The following GALNTL6 variants were observed in gnomAD, a reference collection of about 807,000 sequenced individuals.
GALNTL6 encodes the protein polypeptide N-acetylgalactosaminyltransferase-like 6.
Under a neutral mutation model 73.7 loss-of-function variants are expected in GALNTL6, and 46 were observed. The ratio of observed to expected loss-of-function variants is 0.62; its 90% CI spans 0.49 to 0.80. The LOEUF (loss-of-function observed/expected upper bound fraction) is 0.80, where lower values mean the gene tolerates loss of function less well. GALNTL6 is among the 30% of genes least tolerant of loss of function. GALNTL6 has a pLI of 0.00. For synonymous variants in GALNTL6, 259 were observed against 263.7 expected (o/e 0.98, Z 0.17); for missense variants, 604 against 755.0 (o/e 0.80, Z 2.34).
intron 2 of GALNTL6, among the ~76,000 whole-genome samples, chr4:171,825,570 C>A (rs997066199): frequency 6.6e-6 from 1 of 152,034 alleles, no homozygotes; most frequent in Non-Finnish European, 1.5e-5. Flanking sequence ...TGGCATTCCA[C>A]GACAAAGATC....
At chr4:172,176,191 T>G (rs952905791) in intron 2 of GALNTL6, among the ~76,000 whole-genome samples, 2 of 151,116 alleles carry the variant, frequency 1.3e-5, no homozygotes, top group Non-Finnish European at 3.0e-5. Context: ...ATACAAAAAA[T>G]TAGCCGGGCG....
intron 5 of GALNTL6, among the ~76,000 whole-genome samples, chr4:172,570,388 G>T (rs1736716804): frequency 6.6e-6 from 1 of 152,206 alleles, no homozygotes; most frequent in Non-Finnish European, 1.5e-5. Flanking sequence ...AGTGGATGCT[G>T]TTACAGTTTG....
intron 3 of GALNTL6, among the ~76,000 whole-genome samples, chr4:172,300,087 G>A (rs919971979): frequency 6.6e-6 from 1 of 152,144 alleles, no homozygotes; most frequent in Non-Finnish European, 1.5e-5. Flanking sequence ...AGGATAGTTA[G>A]CTCTTCTTGT....
intron 5 of GALNTL6, among the ~76,000 whole-genome samples, chr4:172,648,347 TGTTAGGATGTCCAAAACACA>T (rs1158672983): frequency 5.3e-5 from 8 of 152,192 alleles, no homozygotes; most frequent in Non-Finnish European, 1.0e-4. Flanking sequence ...GATGATTGCT[TGTTAGGATGTCCAAAACACA>T]GTCTTTTCCT....
intron 7 of GALNTL6, among the ~76,000 whole-genome samples, chr4:172,836,031 G>A (rs570037279): frequency 1.6e-4 from 25 of 152,264 alleles, no homozygotes; most frequent in South Asian, 1.0e-3. Context: ...GTTTCCTCAG[G>A]GGTATGGGGT....
chr4:172,305,910 A>G (rs996827517), intron 3 of GALNTL6, among the ~76,000 whole-genome samples: 1 of 152,126 alleles, frequency 6.6e-6, no homozygotes, highest in Non-Finnish European at 1.5e-5. Flanking sequence ...ATTGATGTAC[A>G]AATAAAATAA....
chr4:172,386,347 T>C (rs1039927735), intron 5 of GALNTL6, among the ~76,000 whole-genome samples: 6 of 152,118 alleles, frequency 3.9e-5, no homozygotes, highest in Non-Finnish European at 8.8e-5. Flanking sequence ...GTAAGGACAC[T>C]TTCCCTGGTT....
chr4:172,740,568 C>A (rs1190391428), intron 5 of GALNTL6, among the ~76,000 whole-genome samples: 1 of 152,162 alleles, frequency 6.6e-6, no homozygotes, highest in Non-Finnish European at 1.5e-5. Context: ...AAGACGCATG[C>A]TTTCCTAGCT....
At chr4:172,399,576 A>T (rs1743968735) in intron 5 of GALNTL6, among the ~76,000 whole-genome samples, 1 of 152,078 alleles carries the variant, frequency 6.6e-6, no homozygotes, top group African/African-American at 2.4e-5. Flanking sequence ...ACTACATTCT[A>T]ACAATTTAAT....
chr4:172,060,226 CAAA>C, intron 2 of GALNTL6, among the ~76,000 whole-genome samples: 1 of 152,130 alleles, frequency 6.6e-6, no homozygotes, highest in East Asian at 1.9e-4. Flanking sequence ...AAATTGAAGA[CAAA>C]AGCAATTCTA....
chr4:172,686,147 C>A (rs1040545444), intron 5 of GALNTL6, among the ~76,000 whole-genome samples: 1 of 152,266 alleles, frequency 6.6e-6, no homozygotes, highest in South Asian at 2.1e-4. Flanking sequence ...GAATTCATCA[C>A]GCCTTGTGCT....
intron 2 of GALNTL6, among the ~76,000 whole-genome samples, chr4:171,996,177 TATG>T (rs1740478579): frequency 6.6e-6 from 1 of 152,136 alleles, no homozygotes; most frequent in South Asian, 2.1e-4. Context: ...TATTAGGAAA[TATG>T]ATGATATTTA....
Position 172,439,454 on chromosome 4 carries a change from G to A in GALNTL6, c.553+90765G>A, listed in dbSNP as rs115586216. ...ACTCTACTTACATTCGTCATGACTC[G>A]CTGGTTGTTATGTCTTACTCTTCTT... On this transcript the variant is annotated intron_variant, in intron 5 of 12. Transcript: ENST00000506823. Among the ~76,000 whole-genome samples the A allele has an allele frequency of 8.0e-3, 1,111 of 138,586 alleles. 9 individuals are homozygous for A. Among genetic ancestry groups the A allele is most frequent in the African/African-American group, 0.028 (1,048 of 37,328 alleles). 90.9% of individuals were successfully genotyped at this position (138,586 alleles called of 152,430 possible).
At chr4:171,935,934 G>A (rs1221522911) in intron 2 of GALNTL6, among the ~76,000 whole-genome samples, 1 of 152,118 alleles carries the variant, frequency 6.6e-6, no homozygotes, top group Non-Finnish European at 1.5e-5. Context: ...CATGCCAAAA[G>A]TGAGCTTCAT....
chr4:172,339,817 G>A (rs879617118), intron 4 of GALNTL6, among the ~76,000 whole-genome samples: 1 of 152,182 alleles, frequency 6.6e-6, no homozygotes, highest in Non-Finnish European at 1.5e-5. Context: ...GCCAGATGCT[G>A]ACACGGGGGC....
intron 2 of GALNTL6, among the ~76,000 whole-genome samples, chr4:171,897,542 G>T (rs1200655438): frequency 6.6e-6 from 1 of 152,112 alleles, no homozygotes; most frequent in African/African-American, 2.4e-5. Context: ...ATAAAAGGTG[G>T]CTGGGCGCTG....
In GALNTL6 at chr4:173,020,844, G is replaced by A. The variant is rs570027541; in HGVS notation, c.1489-632G>A. 5.9e-5 allele frequency among the ~76,000 whole-genome samples: 9 copies of A among 152,266 alleles called. No individual in the cohort carries two copies. In the South Asian group the frequency reaches 1.0e-3, roughly 18 times the overall value. On this transcript the variant is annotated intron_variant, in intron 11 of 12. Transcript: ENST00000506823. ...TCCCAGCACTTTGGGAAGCCAAGGC[G>A]GGCAAATCACCTGAGGTCAGGAGTT...
Position 172,803,017 on chromosome 4 carries a change from C to T in GALNTL6, c.554-6344C>T, listed in dbSNP as rs1156952641. The stretch of plus-strand genomic sequence containing the variant: ...CAGATGGTATATAAGCTCTGAAAAA[C>T]TTTGTAATTTTGAGTTGGTCTGGCA... On this transcript the variant is annotated intron_variant, in intron 5 of 12. Coordinates refer to ENST00000506823, the MANE Select transcript of GALNTL6 (RefSeq NM_001034845.3). Among the ~76,000 whole-genome samples the T allele has an allele frequency of 3.9e-5, 6 of 152,316 alleles. No homozygotes were observed. In the East Asian group the frequency reaches 1.2e-3, roughly 29 times the overall value.
chr4:171,980,730 A>G (rs1739870579), intron 2 of GALNTL6, among the ~76,000 whole-genome samples: 1 of 152,204 alleles, frequency 6.6e-6, no homozygotes, highest in South Asian at 2.1e-4. Context: ...ACATCTGCCT[A>G]AACTGTGGTT....
Sources: gnomAD v4.1 joint callset for allele counts (sites outside exome capture counted in the v4.1 genomes callset) on GRCh38, gnomAD v4.1.1 for gene constraint, MANE v1.5 for transcripts, NCBI Gene and HGNC (gene_info 2026-07-23, HGNC 2026-07-21) for gene names.